ANO3: variants seen among roughly 807,000 people sequenced by gnomAD.
The protein encoded by ANO3 is anoctamin 3, also known as anoctamin-3.
Under a neutral mutation model 144.8 loss-of-function variants are expected in ANO3, and 99 were observed. That is an observed-to-expected ratio of 0.68 (90% CI 0.58 to 0.81). The LOEUF (loss-of-function observed/expected upper bound fraction) is 0.81, where lower values mean the gene tolerates loss of function less well. ANO3 is among the 30% of genes least tolerant of loss of function. The pLI, the probability that ANO3 is intolerant of heterozygous loss-of-function variation, is 0.00. For synonymous variants in ANO3, 414 were observed against 392.6 expected, an observed-to-expected ratio of 1.05 and a Z score of -0.64; for missense variants, 905 against 1,202.2, an observed-to-expected ratio of 0.75 and a Z score of 3.66.
intron 1 of ANO3, among the ~76,000 whole-genome samples, chr11:26,406,461 C>T (rs1857279576): frequency 6.6e-6 from 1 of 151,792 alleles, no homozygotes; most frequent in African/African-American, 2.4e-5. Flanking sequence ...CTGGGAACTC[C>T]ATTTTATATT....
At chr11:26,401,195 T>G (rs980692187) in intron 1 of ANO3, among the ~76,000 whole-genome samples, 1 of 152,056 alleles carries the variant, frequency 6.6e-6, no homozygotes, top group African/African-American at 2.4e-5. Flanking sequence ...TAGTTTGGAT[T>G]CTCAGTCATG....
At chr11:26,324,168 G>A (rs1178230966) in intron 1 of ANO3, among the ~76,000 whole-genome samples, 2 of 152,154 alleles carry the variant, frequency 1.3e-5, no homozygotes, top group Non-Finnish European at 2.9e-5. Flanking sequence ...GTAAATAAGA[G>A]GCTAACTGAA....
intron 1 of ANO3, among the ~76,000 whole-genome samples, chr11:26,367,732 A>T (rs1856133176): frequency 6.6e-6 from 1 of 152,198 alleles, no homozygotes; most frequent in Non-Finnish European, 1.5e-5. Context: ...GCATGGAAGC[A>T]TACAGTAAAG....
chr11:26,320,297 C>G (rs1854727053), intron 1 of ANO3, among the ~76,000 whole-genome samples: 1 of 152,208 alleles, frequency 6.6e-6, no homozygotes, highest in South Asian at 2.1e-4. Flanking sequence ...ATCCCTTCAG[C>G]TTCCCAAGTC....
At chr11:26,429,955 T>C (rs900724994) in intron 1 of ANO3, among the ~76,000 whole-genome samples, 4 of 152,044 alleles carry the variant, frequency 2.6e-5, no homozygotes, top group African/African-American at 9.7e-5. Flanking sequence ...GTAAAAGTAC[T>C]GGCCAGGCAC....
chr11:26,335,867 A>G lies in ANO3; in HGVS notation c.46+3546A>G, dbSNP rs7104205. 5.9e-3 allele frequency among the ~76,000 whole-genome samples: 893 copies of G among 152,318 alleles called. 7 individuals are homozygous for G. The highest frequency in any genetic ancestry group is 0.02 in the African/African-American group (851 of 41,564). On this transcript the variant is annotated intron_variant, in intron 1 of 26. Transcript: ENST00000256737. ...TGACGTTTTGTTTTTTGGCAGTGCC[A>G]GTTGTGTTTATGAAGAAGATATACA...
At chr11:26,621,402 G>A (rs7943714) in intron 17 of ANO3, among the ~76,000 whole-genome samples, 43,918 of 152,020 alleles carry the variant, frequency 0.29, 6,706 homozygotes, top group South Asian at 0.46. Flanking sequence ...CAGACTCAGA[G>A]CATTGGCATT....
intron 14 of ANO3, among the ~76,000 whole-genome samples, chr11:26,578,159 T>A (rs945414472): frequency 6.6e-6 from 1 of 152,158 alleles, no homozygotes; most frequent in Admixed American, 6.5e-5. Context: ...TTTGGGAGTA[T>A]GTTGATAAGA....
At chr11:26,527,787 C>T (rs1282311979) in intron 7 of ANO3, among the ~76,000 whole-genome samples, 1 of 152,128 alleles carries the variant, frequency 6.6e-6, no homozygotes, top group Non-Finnish European at 1.5e-5. Context: ...AAAGCATTTT[C>T]ACATTCAATT....
At chr11:26,583,577 C>G (rs1220167271) in intron 14 of ANO3, among the ~76,000 whole-genome samples, 1 of 152,210 alleles carries the variant, frequency 6.6e-6, no homozygotes, top group Non-Finnish European at 1.5e-5. Flanking sequence ...TAGAGAACTC[C>G]ATGCATTACA....
intron 18 of ANO3, among the ~76,000 whole-genome samples, chr11:26,630,392 C>A (rs1368584073): frequency 6.6e-6 from 1 of 152,192 alleles, no homozygotes; most frequent in East Asian, 1.9e-4. Context: ...CTTTAGTTGG[C>A]CACATAGATT....
chr11:26,457,129 G>A (rs1486434952), intron 3 of ANO3, among the ~76,000 whole-genome samples: 4 of 149,686 alleles, frequency 2.7e-5, no homozygotes, highest in Admixed American at 6.7e-5. Flanking sequence ...AATGCTAGAT[G>A]ACGAGTTAGT....
rs149481604 is a variant in ANO3 at position 26,205,003 on chromosome 11, G to A, written c.154+15673G>A. ...AAGGCCTCAGGAAACTTACAATCATGGCAAAAGAGGAACCAAACGAGTCCT... is the reference window on the plus strand; with the variant it reads ...AAGGCCTCAGGAAACTTACAATCATAGCAAAAGAGGAACCAAACGAGTCCT... On this transcript the variant is annotated intron_variant, in intron 1 of 27. Coordinates refer to the ANO3 transcript ENST00000672621. Among the ~76,000 whole-genome samples the A allele has an allele frequency of 3.3e-3, 502 of 152,196 alleles. 5 individuals are homozygous for A. The highest frequency in any genetic ancestry group is 0.01 in the African/African-American group (433 of 41,518).
At chr11:26,419,783 A>G (rs1281334750) in intron 1 of ANO3, among the ~76,000 whole-genome samples, 2 of 152,100 alleles carry the variant, frequency 1.3e-5, no homozygotes, top group Non-Finnish European at 2.9e-5. Context: ...AGGGTATGTG[A>G]CTTTGAATGG....
At chr11:26,258,656 G>T (rs373879487) in intron 1 of ANO3, among the ~76,000 whole-genome samples, 1 of 152,006 alleles carries the variant, frequency 6.6e-6, no homozygotes, top group East Asian at 1.9e-4. Flanking sequence ...CTCCATAGGG[G>T]TATTCCTAAC....
At chr11:26,648,244 G>A (rs908840654) in intron 24 of ANO3, among the ~76,000 whole-genome samples, 3 of 152,120 alleles carry the variant, frequency 2.0e-5, no homozygotes, top group Non-Finnish European at 4.4e-5. Flanking sequence ...GAATGGAGCA[G>A]TGCTAGTTTG....
At chr11:26,266,495 G>A (rs151120008) in intron 1 of ANO3, among the ~76,000 whole-genome samples, 1,864 of 148,524 alleles carry the variant, frequency 0.013, 107 homozygotes, top group Admixed American at 0.1. Context: ...GTGCAGTGGC[G>A]CAATCTCGGC....
At chr11:26,470,119 C>T (rs897669644) in intron 4 of ANO3, among the ~76,000 whole-genome samples, 1 of 151,832 alleles carries the variant, frequency 6.6e-6, no homozygotes, top group Non-Finnish European at 1.5e-5. Context: ...AGCCAAATTT[C>T]TGGGTGTGGT....
At position 26,643,302 on chromosome 11, in the gene ANO3, G is replaced by A. The variant is rs756025616; in HGVS notation, c.2396G>A (p.Arg799Gln). 17 of 1,613,928 alleles carry A rather than the reference G, an allele frequency of 1.1e-5. No individual in the cohort carries two copies. Among genetic ancestry groups the A allele is most frequent in the East Asian group, 4.5e-5 (2 of 44,878 alleles). Residue 799 changes from arginine to glutamine, a missense_variant, in exon 23 of 27, where the codon CGG (arginine) becomes CAG (glutamine). Coordinates refer to ENST00000256737, the MANE Select transcript of ANO3 (RefSeq NM_031418.4). ...LDAYKFVTQW[R>Q]RPLPARATDI... The stretch of plus-strand genomic sequence containing the variant: ...GCATACAAATTTGTCACTCAATGGC[G>A]GAGGCCTTTGCCAGCCCGAGCAACT...
Sources: gnomAD v4.1 joint callset for allele counts (sites outside exome capture counted in the v4.1 genomes callset) on GRCh38, gnomAD v4.1.1 for gene constraint, MANE v1.5 for transcripts, NCBI Gene and HGNC (gene_info 2026-07-23, HGNC 2026-07-21) for gene names.